ATE1: variants seen among roughly 807,000 people sequenced by gnomAD.
The protein encoded by ATE1 is arginyl-tRNA--protein transferase 1.
In ATE1, 36 loss-of-function variants were observed where a neutral mutation model predicts 70.5. The ratio of observed to expected loss-of-function variants is 0.51; its 90% confidence interval spans 0.39 to 0.67. ATE1 has a LOEUF of 0.67. Ranked by LOEUF, ATE1 falls within the 30% of genes least tolerant of loss-of-function variation. The pLI, the probability that ATE1 is intolerant of heterozygous loss-of-function variation, is 0.00. For missense variants in ATE1, 593 were observed against 629.5 expected, an observed-to-expected ratio of 0.94 and a Z score of 0.62; for synonymous variants, 232 against 219.3, an observed-to-expected ratio of 1.06 and a Z score of -0.51.
intron 10 of ATE1, among the ~76,000 whole-genome samples, chr10:121,815,897 C>T (rs1947522294): frequency 6.6e-6 from 1 of 152,174 alleles, no homozygotes. Context: ...TGGCAGCATC[C>T]TGACCTCTTC....
At chr10:121,917,397 C>G (rs1043259837) in intron 3 of ATE1, among the ~76,000 whole-genome samples, 1 of 152,038 alleles carries the variant, frequency 6.6e-6, no homozygotes, top group African/African-American at 2.4e-5. Context: ...ATTAGTAACT[C>G]CAAGGAAAGC....
chr10:121,792,070 T>C (rs76845258), intron 10 of ATE1, among the ~76,000 whole-genome samples: 2,714 of 152,306 alleles, frequency 0.018, 66 homozygotes, highest in African/African-American at 0.062. Flanking sequence ...GAGGAAACAT[T>C]CTTTCCTGTT....
intron 10 of ATE1, among the ~76,000 whole-genome samples, chr10:121,828,878 T>C (rs1196457572): frequency 6.6e-6 from 1 of 152,216 alleles, no homozygotes; most frequent in Admixed American, 6.5e-5. Flanking sequence ...TACTTCAATT[T>C]GCTTTACATC....
intron 8 of ATE1, among the ~76,000 whole-genome samples, chr10:121,852,514 C>A (rs1949092042): frequency 6.6e-6 from 1 of 151,940 alleles, no homozygotes; most frequent in African/African-American, 2.4e-5. Context: ...AGTTTGAGAC[C>A]AGCCTGGCCA....
At chr10:121,841,473 TTA>T (rs1948627315) in intron 8 of ATE1, among the ~76,000 whole-genome samples, 1 of 152,166 alleles carries the variant, frequency 6.6e-6, no homozygotes, top group East Asian at 1.9e-4. Flanking sequence ...AGAAATCAAT[TTA>T]TGTTTTCTTC....
intron 7 of ATE1, among the ~76,000 whole-genome samples, chr10:121,883,590 T>C (rs749780956): frequency 6.6e-6 from 1 of 152,200 alleles, no homozygotes; most frequent in Admixed American, 6.5e-5. Context: ...AGGCAAGTCC[T>C]GCTCGGCATT....
intron 10 of ATE1, among the ~76,000 whole-genome samples, chr10:121,795,943 T>C (rs1946642421): frequency 6.6e-6 from 1 of 152,176 alleles, no homozygotes; most frequent in Admixed American, 6.5e-5. Flanking sequence ...TTAATCAACC[T>C]CTAAGTACAT....
rs1275799671 is a variant in ATE1 at position 121,913,855 on chromosome 10, T to C, written c.272A>G (p.Lys91Arg). The change falls in exon 4 of 12, where the codon AAG becomes AGG. Residue 91 changes from lysine to arginine, a missense_variant. Lys to Arg is a conservative substitution (Grantham distance 26). Around this residue, in one of 3 missense-constraint regions of ATE1, gnomAD observed 467 missense variants for 469.6 expected, o/e 0.99. Transcript: ENST00000224652. ...PLQFQPSKSH[K>R]KVLKKMLKFL... Reference sequence around the variant, plus strand: ...TTTCAACATTTTTTTCAAAACCTTCTTGTGAGATTTTGAAGGCTGAAATTG... The same window carrying C: ...TTTCAACATTTTTTTCAAAACCTTCCTGTGAGATTTTGAAGGCTGAAATTG... 2 of 1,612,464 alleles carry C rather than the reference T, an allele frequency of 1.2e-6. No homozygotes were observed. Among genetic ancestry groups the C allele is most frequent in the Non-Finnish European group, 8.5e-7 (1 of 1,178,958 alleles).
At chr10:121,891,245 G>A (rs745872156) in intron 7 of ATE1, among the ~76,000 whole-genome samples, 5 of 152,062 alleles carry the variant, frequency 3.3e-5, no homozygotes, top group Non-Finnish European at 4.4e-5. Flanking sequence ...TGGGTTGATC[G>A]GGTATGCCAT....
At chr10:121,781,722 C>T (rs72838019) in intron 11 of ATE1, among the ~76,000 whole-genome samples, 2,798 of 152,282 alleles carry the variant, frequency 0.018, 34 homozygotes, top group Non-Finnish European at 0.029. Context: ...CTATGGTTTT[C>T]CTTTTCTGAC....
chr10:121,902,546 G>A lies in ATE1; in HGVS notation c.658C>T (p.Leu220=), dbSNP rs758026874. ...EIRKERKRLK[L]MQQNPAGELE... is the part of the protein sequence containing the mutation. ...TCTCCAGCTGGGTTCTGCTGCATTAGTTTTAACCTTTTCCTTTCTTTCCGG... is the reference window on the plus strand; with the variant it reads ...TCTCCAGCTGGGTTCTGCTGCATTAATTTTAACCTTTTCCTTTCTTTCCGG... The change falls in exon 6 of 12, where the codon CTA becomes TTA. Residue 220 remains leucine (L), a synonymous_variant. Transcript: ENST00000224652. 6.2e-7 allele frequency: 1 copy of A among 1,614,188 alleles called. No individual in the cohort carries two copies. Among genetic ancestry groups the A allele is most frequent in the East Asian group, 2.2e-5 (1 of 44,874 alleles).
intron 7 of ATE1, among the ~76,000 whole-genome samples, chr10:121,877,956 G>A (rs1049535941): frequency 1.1e-4 from 16 of 152,164 alleles, no homozygotes; most frequent in East Asian, 1.9e-4. Flanking sequence ...AACTTTATTC[G>A]TAACAGGCAA....
chr10:121,894,445 T>C (rs1950698210), intron 7 of ATE1, among the ~76,000 whole-genome samples: 1 of 152,180 alleles, frequency 6.6e-6, no homozygotes, highest in African/African-American at 2.4e-5. Context: ...ATGGAGTGGC[T>C]CTACTAAGAG....
At chr10:121,748,658 T>G (rs1214369659) in intron 11 of ATE1, among the ~76,000 whole-genome samples, 1 of 152,094 alleles carries the variant, frequency 6.6e-6, no homozygotes, top group Non-Finnish European at 1.5e-5. Context: ...TTTTGTTTTT[T>G]TTTTTAACCC....
chr10:121,793,367 TG>T (rs1228390844), intron 10 of ATE1, among the ~76,000 whole-genome samples: 1 of 152,232 alleles, frequency 6.6e-6, no homozygotes, highest in African/African-American at 2.4e-5. Context: ...ACATATCATT[TG>T]TGAATATGCC....
chr10:121,886,289 T>C (rs1411679267), intron 7 of ATE1, among the ~76,000 whole-genome samples: 2 of 128,006 alleles, frequency 1.6e-5, no homozygotes, highest in Non-Finnish European at 3.2e-5. Flanking sequence ...AATACATTGA[T>C]GATTTAAAAA....
At position 121,785,692 on chromosome 10, in the gene ATE1, A is replaced by C. The variant is rs1946176570; in HGVS notation, c.1378+4477T>G. Among the ~76,000 whole-genome samples the C allele has an allele frequency of 2.0e-5, 3 of 152,220 alleles. No homozygotes were observed. The South Asian group carries it at 6.2e-4, about 31-fold the overall frequency. Reference sequence around the variant, plus strand: ...GCTCACACTAGGTACGAGCTTCTTTACATTAGTTTAGATTTTTAGCAACTG... The same window carrying C: ...GCTCACACTAGGTACGAGCTTCTTTCCATTAGTTTAGATTTTTAGCAACTG... On this transcript the variant is annotated intron_variant, in intron 11 of 11. Coordinates refer to ENST00000224652, the MANE Select transcript of ATE1 (RefSeq NM_001001976.3).
At chr10:121,787,629 T>C (rs80195214) in intron 11 of ATE1, among the ~76,000 whole-genome samples, 2,549 of 152,284 alleles carry the variant, frequency 0.017, 37 homozygotes, top group Non-Finnish European at 0.025. Flanking sequence ...TTCTAAACAA[T>C]GTTAAGAGCT....
At chr10:121,817,785 T>C (rs865853374) in intron 10 of ATE1, among the ~76,000 whole-genome samples, 2 of 151,962 alleles carry the variant, frequency 1.3e-5, no homozygotes, top group South Asian at 2.1e-4. Flanking sequence ...GAGAACATGT[T>C]ATACAAAAGC....
Sources: gnomAD v4.1 joint callset for allele counts (sites outside exome capture counted in the v4.1 genomes callset) on GRCh38, gnomAD v4.1.1 for gene constraint, gnomAD v4.1.1 regional missense constraint, MANE v1.5 for transcripts, NCBI Gene and HGNC (gene_info 2026-07-23, HGNC 2026-07-21) for gene names.